DLGAP2: variants seen among roughly 807,000 people sequenced by gnomAD.
The protein encoded by DLGAP2 is DLG associated protein 2.
A neutral mutation model predicts 100.3 loss-of-function variants in DLGAP2; 26 were observed. The ratio of observed to expected loss-of-function variants is 0.26; its 90% CI spans 0.19 to 0.36. The LOEUF is 0.36. DLGAP2 is among the 10% of genes least tolerant of loss of function. DLGAP2 has a pLI of 1.00. For missense variants in DLGAP2, 1,858 were observed against 1,453.2 expected (o/e 1.28, Z -4.53); for synonymous variants, 886 against 630.1 (o/e 1.41, Z -6.08).
At position 1,625,966 on chromosome 8, in the gene DLGAP2, TGGCG is replaced by T. The variant is rs1563264906; in HGVS notation, c.1443-771_1443-768del. 6.8e-4 allele frequency among the ~76,000 whole-genome samples: 102 copies of T among 149,076 alleles called. 21 individuals carry two copies. Among genetic ancestry groups the T allele is most frequent in the African/African-American group, 9.2e-4 (37 of 40,008 alleles). On this transcript the variant is annotated intron_variant, in intron 6 of 14. Coordinates refer to ENST00000637795, the MANE Select transcript of DLGAP2 (RefSeq NM_001346810.2). Reference sequence around the variant, plus strand: ...GACGGTCGTTCCCATCTCTGGCCTGTGGCGGGTGCTCAGCCTCTGGGTGTGGGTT... The same window carrying T: ...GACGGTCGTTCCCATCTCTGGCCTGTGGTGCTCAGCCTCTGGGTGTGGGTT...
At chr8:961,315 A>C (rs901038750) in intron 2 of DLGAP2, among the ~76,000 whole-genome samples, 5 of 149,048 alleles carry the variant, frequency 3.4e-5, no homozygotes, top group African/African-American at 1.2e-4. Context: ...GAGTTCCATC[A>C]TCAGCTCATT....
At position 1,701,634 on chromosome 8, in the gene DLGAP2, C is replaced by G; in HGVS notation, c.*228C>G. On this transcript the variant is annotated 3_prime_UTR_variant, in exon 15 of 15. Coordinates refer to ENST00000637795, the MANE Select transcript of DLGAP2 (RefSeq NM_001346810.2). ...GTTGTTGTTGTTGTTCACGGGTGGC[C>G]TGGCTCACACTTGGCTCTGAGGGAC... The G allele has an allele frequency of 1.7e-6, 1 of 578,688 alleles. No individual in the cohort carries two copies. Among genetic ancestry groups the G allele is most frequent in the Non-Finnish European group, 3.0e-6 (1 of 333,346 alleles). The allele number at this position is 578,688 out of a possible 1,614,324, so 35.8% of individuals were successfully genotyped here.
intron 3 of DLGAP2, among the ~76,000 whole-genome samples, chr8:1,327,671 C>T (rs1055176159): frequency 6.6e-6 from 1 of 151,992 alleles, no homozygotes; most frequent in East Asian, 1.9e-4. Flanking sequence ...CATGAAACCC[C>T]ATCTCTACTA....
intron 2 of DLGAP2, among the ~76,000 whole-genome samples, chr8:1,078,186 T>G (rs1435021105): frequency 1.3e-5 from 2 of 152,186 alleles, no homozygotes; most frequent in African/African-American, 4.8e-5. Flanking sequence ...TTTAGAACAT[T>G]TATTCATCTA....
Position 1,355,799 on chromosome 8 carries a change from C to G in DLGAP2, c.106+96916C>G, listed in dbSNP as rs555455305. The stretch of plus-strand genomic sequence containing the variant: ...GTGGCTCCCTGTCTCCTCCCACAAC[C>G]CCCACCCCACGGTCCTGGCCATGCC... On this transcript the variant is annotated intron_variant, in intron 3 of 14. Coordinates refer to ENST00000637795, the MANE Select transcript of DLGAP2 (RefSeq NM_001346810.2). Among the ~76,000 whole-genome samples, 45 of 152,304 alleles carry G rather than the reference C, an allele frequency of 3.0e-4. 2 individuals carry two copies. The East Asian group carries it at 6.8e-3, about 23-fold the overall frequency.
At chr8:1,491,484 A>G (rs1016498396) in intron 3 of DLGAP2, among the ~76,000 whole-genome samples, 6 of 151,796 alleles carry the variant, frequency 4.0e-5, no homozygotes, top group Non-Finnish European at 8.8e-5. Flanking sequence ...TGAAGGCCAC[A>G]TTTTTCTAAG....
intron 8 of DLGAP2, among the ~76,000 whole-genome samples, chr8:1,650,007 A>G (rs1405324747): frequency 6.6e-6 from 1 of 152,224 alleles, no homozygotes; most frequent in Non-Finnish European, 1.5e-5. Context: ...AGATTCATGG[A>G]ATTTCTGGAG....
intron 1 of DLGAP2, among the ~76,000 whole-genome samples, chr8:779,315 C>T (rs1356705279): frequency 6.6e-6 from 1 of 152,198 alleles, no homozygotes; most frequent in South Asian, 2.1e-4. Flanking sequence ...CTTGCTCATG[C>T]TGGGAGCTGT....
At chr8:1,679,979 CAAAA>C (rs760100523) in intron 12 of DLGAP2, among the ~76,000 whole-genome samples, 31 of 63,514 alleles carry the variant, frequency 4.9e-4, no homozygotes, top group Admixed American at 1.0e-3. Flanking sequence ...GACTCTGTCT[CAAAA>C]AAAAAAAAAA....
chr8:1,195,823 C>A lies in DLGAP2; in HGVS notation c.74-63028C>A, dbSNP rs987596409. Among the ~76,000 whole-genome samples, 19 of 152,288 alleles carry A rather than the reference C, an allele frequency of 1.2e-4. 1 individual carries two copies. Among genetic ancestry groups the A allele is most frequent in the African/African-American group, 3.6e-4 (15 of 41,578 alleles). ...CCGGAGTGCGTGACCTGCTCCGAGG[C>A]CTTGCAGCGGTAGATACGTTCTGCG... On this transcript the variant is annotated intron_variant, in intron 2 of 14. Transcript: ENST00000637795.
chr8:1,433,608 C>T (rs1797523161), intron 3 of DLGAP2, among the ~76,000 whole-genome samples: 1 of 146,202 alleles, frequency 6.8e-6, no homozygotes, highest in Admixed American at 6.8e-5. Context: ...ACTGGGCAGC[C>T]AACGCAGCTG....
chr8:1,194,008 C>T lies in DLGAP2; in HGVS notation c.74-64843C>T, dbSNP rs909291881. 2.7e-4 allele frequency among the ~76,000 whole-genome samples: 41 copies of T among 152,150 alleles called. 1 individual carries two copies. The highest frequency in any genetic ancestry group is 9.7e-4 in the African/African-American group (40 of 41,448). Reference sequence around the variant, plus strand: ...GTATCTGAAGCCTCAGGTGAAATTTCTCCTTGGCATTACCGGGACCAAATC... The same window carrying T: ...GTATCTGAAGCCTCAGGTGAAATTTTTCCTTGGCATTACCGGGACCAAATC... On this transcript the variant is annotated intron_variant, in intron 2 of 14. Coordinates refer to ENST00000637795, the MANE Select transcript of DLGAP2 (RefSeq NM_001346810.2).
intron 1 of DLGAP2, among the ~76,000 whole-genome samples, chr8:798,279 C>T (rs1028390761): frequency 1.3e-5 from 2 of 149,144 alleles, no homozygotes; most frequent in African/African-American, 2.5e-5. Flanking sequence ...GACCTGCAGC[C>T]CCGTGCCCCG....
At chr8:885,820 T>G (rs1797911295) in intron 1 of DLGAP2, among the ~76,000 whole-genome samples, 2 of 152,250 alleles carry the variant, frequency 1.3e-5, no homozygotes, top group Non-Finnish European at 2.9e-5. Flanking sequence ...TTGAGAGTGT[T>G]TAACAATCAA....
chr8:1,007,335 G>T (rs1014646249), intron 2 of DLGAP2, among the ~76,000 whole-genome samples: 1 of 152,220 alleles, frequency 6.6e-6, no homozygotes, highest in South Asian at 2.1e-4. Context: ...AGGTGCCCAC[G>T]TCTCACTCTG....
At chr8:1,408,510 T>A (rs1384360397) in intron 3 of DLGAP2, among the ~76,000 whole-genome samples, 3 of 152,144 alleles carry the variant, frequency 2.0e-5, no homozygotes, top group Admixed American at 6.5e-5. Flanking sequence ...TCTCTGGGCC[T>A]TGGATGATGA....
chr8:1,323,660 G>A (rs1460591209), intron 3 of DLGAP2, among the ~76,000 whole-genome samples: 5 of 152,328 alleles, frequency 3.3e-5, no homozygotes, highest in Non-Finnish European at 4.4e-5. Flanking sequence ...GCCTCTTCTG[G>A]GCAGCTATCC....
At chr8:1,307,895 T>A (rs1800526869) in intron 3 of DLGAP2, among the ~76,000 whole-genome samples, 2 of 152,014 alleles carry the variant, frequency 1.3e-5, no homozygotes, top group Admixed American at 1.3e-4. Flanking sequence ...TAGTTAGAAA[T>A]GGGTACAGAG....
intron 1 of DLGAP2, among the ~76,000 whole-genome samples, chr8:782,713 C>T (rs147069679): frequency 6.6e-6 from 1 of 152,124 alleles, no homozygotes; most frequent in Non-Finnish European, 1.5e-5. Flanking sequence ...TCTACTCATC[C>T]CTTTTGCACT....
Sources: allele counts gnomAD v4.1 joint callset (sites outside exome capture counted in the v4.1 genomes callset), GRCh38; gene constraint gnomAD v4.1.1; transcripts MANE v1.5; gene names NCBI Gene and HGNC (gene_info 2026-07-23, HGNC 2026-07-21).